FHIT: variants seen among roughly 807,000 people sequenced by gnomAD.
FHIT encodes bis(5'-adenosyl)-triphosphatase.
In FHIT, 19 loss-of-function variants were observed where a neutral mutation model predicts 17.9. That is an observed-to-expected ratio of 1.06 (90% CI 0.74 to 1.56). The LOEUF is 1.56. Among genes scored for constraint, FHIT ranks in the 40% most tolerant of loss-of-function variants. The pLI, the probability that FHIT is intolerant of heterozygous loss-of-function variation, is 0.00. For missense variants in FHIT, 248 were observed against 189.2 expected, an observed-to-expected ratio of 1.31 and a Z score of -1.82; for synonymous variants, 81 against 69.7, an observed-to-expected ratio of 1.16 and a Z score of -0.81.
chr3:59,873,693 G>A (rs963724473), intron 8 of FHIT, among the ~76,000 whole-genome samples: 5 of 152,104 alleles, frequency 3.3e-5, no homozygotes, highest in Admixed American at 2.0e-4. Context: ...AAGCACACAT[G>A]CCTCCAGACA....
chr3:60,256,762 A>G (rs141169317), intron 5 of FHIT, among the ~76,000 whole-genome samples: 2 of 152,176 alleles, frequency 1.3e-5, no homozygotes, highest in African/African-American at 2.4e-5. Context: ...TTTCAGTATG[A>G]TTGGTCAGGT....
At chr3:60,675,749 T>C (rs1362503961) in intron 4 of FHIT, among the ~76,000 whole-genome samples, 1 of 152,234 alleles carries the variant, frequency 6.6e-6, no homozygotes, top group Admixed American at 6.5e-5. Context: ...ATGCATCTGA[T>C]TTGAAATAAA....
intron 5 of FHIT, among the ~76,000 whole-genome samples, chr3:60,535,644 A>G (rs1015600455): frequency 4.6e-5 from 7 of 151,952 alleles, no homozygotes; most frequent in African/African-American, 1.7e-4. Flanking sequence ...AGACTCATTT[A>G]AAAGAAGAGT....
chr3:61,103,762 G>C (rs1160541355), intron 2 of FHIT, among the ~76,000 whole-genome samples: 1 of 152,102 alleles, frequency 6.6e-6, no homozygotes, highest in African/African-American at 2.4e-5. Flanking sequence ...TATATATTTA[G>C]GAGAGTTAGC....
chr3:60,333,520 CTTTA>C (rs1710091599), intron 5 of FHIT, among the ~76,000 whole-genome samples: 2 of 151,190 alleles, frequency 1.3e-5, no homozygotes, highest in African/African-American at 2.4e-5. Context: ...TTAAAAACTT[CTTTA>C]TTTGTTGTGA....
At chr3:60,095,406 A>G (rs1703904961) in intron 5 of FHIT, among the ~76,000 whole-genome samples, 1 of 152,152 alleles carries the variant, frequency 6.6e-6, no homozygotes, top group Non-Finnish European at 1.5e-5. Flanking sequence ...TGCTTCTCTC[A>G]TTTCCCTCCC....
At chr3:60,231,306 GT>G (rs1469616510) in intron 5 of FHIT, among the ~76,000 whole-genome samples, 1 of 152,158 alleles carries the variant, frequency 6.6e-6, no homozygotes, top group East Asian at 1.9e-4. Flanking sequence ...CAGTACTTCA[GT>G]TTTTAAGTAT....
At chr3:59,783,481 C>T (rs968002333) in intron 8 of FHIT, among the ~76,000 whole-genome samples, 4 of 152,076 alleles carry the variant, frequency 2.6e-5, no homozygotes, top group Non-Finnish European at 4.4e-5. Flanking sequence ...AAAAACAAAA[C>T]GAAACAAAAC....
intron 4 of FHIT, among the ~76,000 whole-genome samples, chr3:60,758,358 A>G (rs1020870313): frequency 1.2e-4 from 19 of 152,276 alleles, no homozygotes; most frequent in African/African-American, 4.3e-4. Context: ...AAATTACCCA[A>G]TGTATGGATG....
chr3:60,517,417 A>G (rs1360347392), intron 5 of FHIT, among the ~76,000 whole-genome samples: 1 of 140,608 alleles, frequency 7.1e-6, no homozygotes, highest in African/African-American at 2.7e-5. Context: ...TTTAGATAGC[A>G]TCGGAATCAT....
chr3:61,169,254 T>C (rs1160209708), intron 2 of FHIT, among the ~76,000 whole-genome samples: 1 of 152,234 alleles, frequency 6.6e-6, no homozygotes, highest in African/African-American at 2.4e-5. Flanking sequence ...GTGATTTTAA[T>C]TGACTTCCTA....
At chr3:59,768,260 C>A (rs1281255294) in intron 8 of FHIT, among the ~76,000 whole-genome samples, 9 of 152,212 alleles carry the variant, frequency 5.9e-5, no homozygotes, top group Non-Finnish European at 1.2e-4. Context: ...CCTTTGACAT[C>A]AAATGCTCTG....
At chr3:60,808,089 A>C (rs1701459545) in intron 4 of FHIT, among the ~76,000 whole-genome samples, 2 of 152,218 alleles carry the variant, frequency 1.3e-5, no homozygotes, top group Admixed American at 6.5e-5. Flanking sequence ...AGTGGCATCC[A>C]CTACTATGAC....
intron 5 of FHIT, among the ~76,000 whole-genome samples, chr3:60,308,655 G>T (rs906242360): frequency 3.3e-5 from 5 of 151,786 alleles, no homozygotes; most frequent in Admixed American, 3.3e-4. Context: ...TTGCCTTTCT[G>T]CCAACTGTCT....
chr3:60,102,814 A>C (rs1251501030), intron 5 of FHIT, among the ~76,000 whole-genome samples: 1 of 152,168 alleles, frequency 6.6e-6, no homozygotes, highest in Non-Finnish European at 1.5e-5. Context: ...GATAATTTTC[A>C]AAATAAAAGA....
At chr3:61,172,672 C>G (rs972861671) in intron 2 of FHIT, among the ~76,000 whole-genome samples, 11 of 145,190 alleles carry the variant, frequency 7.6e-5, no homozygotes, top group African/African-American at 2.7e-4. Context: ...GGTTATGTGA[C>G]TATGTCCAAA....
intron 5 of FHIT, among the ~76,000 whole-genome samples, chr3:60,118,076 G>A (rs1178807640): frequency 1.3e-5 from 2 of 152,194 alleles, no homozygotes; most frequent in East Asian, 1.9e-4. Context: ...CACAGTAATC[G>A]TGAATGTACA....
At chr3:59,932,785 C>T (rs1054642865) in intron 7 of FHIT, among the ~76,000 whole-genome samples, 3 of 152,098 alleles carry the variant, frequency 2.0e-5, no homozygotes, top group Admixed American at 2.0e-4. Flanking sequence ...TGGCTTCTTC[C>T]ATTTTCCTTT....
rs536000752 is a variant in FHIT, at chr3:60,384,266, TAAA to T, written c.103+152591_103+152593del. On this transcript the variant is annotated intron_variant, in intron 5 of 9. Coordinates refer to ENST00000492590, the MANE Select transcript of FHIT (RefSeq NM_002012.4). The stretch of plus-strand genomic sequence containing the variant: ...CTGGTGACAGACCAAGACTCCGTCT[TAAA>T]AAAAAAAAAAAAAATTGGAGATAAT... 9.3e-3 allele frequency among the ~76,000 whole-genome samples: 1,287 copies of T among 138,040 alleles called. 24 individuals are homozygous for T. The highest frequency in any genetic ancestry group is 0.033 in the African/African-American group (1,233 of 37,364). The allele number at this position is 138,040 out of a possible 152,430, so 90.6% of individuals were successfully genotyped here. A position where few individuals can be genotyped will look rare whatever the true frequency, so the allele number is the denominator to read the frequency against.
Sources: allele counts gnomAD v4.1 joint callset (sites outside exome capture counted in the v4.1 genomes callset), GRCh38; gene constraint gnomAD v4.1.1; transcripts MANE v1.5; gene names NCBI Gene and HGNC (gene_info 2026-07-23, HGNC 2026-07-21).